HPS6: variants seen among roughly 807,000 people sequenced by gnomAD.
The protein encoded by HPS6 is HPS6 biogenesis of lysosomal organelles complex 2 subunit 3.
In HPS6, 46 loss-of-function variants were observed where a neutral mutation model predicts 53.6. That is an observed-to-expected ratio of 0.86 (90% CI 0.68 to 1.10). The LOEUF is 1.10. Ranked by LOEUF, HPS6 falls within the 50% of genes least tolerant of loss-of-function variation. The probability of loss-of-function intolerance (pLI) is 0.00; values close to 1 mark genes in which losing one functional copy is unlikely to be tolerated. For missense variants in HPS6, 1,034 were observed against 991.3 expected (o/e 1.04, Z -0.58); for synonymous variants, 535 against 470.8 (o/e 1.14, Z -1.77).
Position 102,065,810 on chromosome 10 carries a change from G to C in HPS6, c.336G>C (p.Trp112Cys), listed in dbSNP as rs1399659500. Residue 112 changes from tryptophan (W) to cysteine (C), a missense_variant, in exon 1 of 1, where the codon TGG becomes TGC. Transcript: ENST00000299238. ...GGGGCGCGGGCGTGGGGCCTGGCTGGCGGCCGCTGCAGAGCACCGAGCTGT... is the reference window on the plus strand; with the variant it reads ...GGGGCGCGGGCGTGGGGCCTGGCTGCCGGCCGCTGCAGAGCACCGAGCTGT... ...EVWGAGVGPGWRPLQSTELCP... is the reference protein window; with the variant it reads ...EVWGAGVGPGCRPLQSTELCP... 1 of 1,485,076 alleles carries C rather than the reference G, an allele frequency of 6.7e-7. No individual in the cohort carries two copies. The highest frequency in any genetic ancestry group is 2.4e-5 in the Admixed American group (1 of 42,256). The allele number at this position is 1,485,076 out of a possible 1,614,324, so 92.0% of individuals were successfully genotyped here.
In HPS6 at chr10:102,065,573, A is replaced by G. The variant is rs139591041; in HGVS notation, c.99A>G (p.Arg33=). 2.7e-3 allele frequency: 4,160 copies of G among 1,543,738 alleles called. 57 individuals are homozygous for G. The African/African-American group carries it at 0.033, about 12-fold the overall frequency. The change falls in exon 1 of 1, where the codon CGA becomes CGG. Residue 33 remains arginine (R), a synonymous_variant. Coordinates refer to ENST00000299238, the MANE Select transcript of HPS6 (RefSeq NM_024747.6). ...RELVAGDSAV[R]VRGSPDGRHL... is the part of the protein sequence containing the mutation. ...TGGTGGCCGGGGACTCAGCGGTCCG[A>G]GTCCGTGGCAGTCCGGACGGCCGCC...
Position 102,065,634 on chromosome 10 carries a change from C to T in HPS6, c.160C>T (p.Pro54Ser). The change falls in exon 1 of 1, where the codon CCA (proline) becomes TCA (serine). Residue 54 changes from proline to serine, a missense_variant. Pro to Ser is a moderately conservative substitution (Grantham distance 74). Transcript: ENST00000299238. ...CCTGCGACCCCCTGGGGCGGTAGCC[C>T]CACAGCTGCTAGTCGCGTCGCGAGG... ...LLLRPPGAVA[P>S]QLLVASRGPG... 3.2e-6 allele frequency: 5 copies of T among 1,550,662 alleles called. No homozygotes were observed. The highest frequency in any genetic ancestry group is 4.3e-6 in the Non-Finnish European group (5 of 1,160,018).
rs371739854 is a variant in HPS6 at position 102,067,712 on chromosome 10, A to G, written c.2238A>G (p.Gln746=). Residue 746 remains glutamine, a synonymous_variant, in exon 1 of 1, where the codon CAA becomes CAG. Coordinates refer to ENST00000299238, the MANE Select transcript of HPS6 (RefSeq NM_024747.6). ...LKALLEQTGA[Q]GWLSGPVLSP... is the part of the protein sequence containing the mutation. ...CCCTGCTGGAGCAGACTGGGGCTCAAGGATGGCTGTCGGGCCCAGTTCTAA... is the reference window on the plus strand; with the variant it reads ...CCCTGCTGGAGCAGACTGGGGCTCAGGGATGGCTGTCGGGCCCAGTTCTAA... The G allele has an allele frequency of 3.7e-5, 60 of 1,613,620 alleles. No homozygotes were observed. In the African/African-American group the frequency reaches 6.0e-4, roughly 16 times the overall value.
Position 102,066,028 on chromosome 10 carries a change from T to TGCACCACTGCCCTGCC in HPS6, c.555_570dup (p.Phe191AlafsTer54). On this transcript the variant is annotated frameshift_variant, in exon 1 of 1. Coordinates refer to ENST00000299238, the MANE Select transcript of HPS6 (RefSeq NM_024747.6). LOFTEE classifies it high-confidence loss of function. ...AGCCTGGGCCGCACACACGTCCTGCTGCACCACTGCCCTGCCTTCGGGCTG... is the reference window on the plus strand; with the variant it reads ...AGCCTGGGCCGCACACACGTCCTGCTGCACCACTGCCCTGCCGCACCACTGCCCTGCCTTCGGGCTG... 6.2e-7 allele frequency: 1 copy of TGCACCACTGCCCTGCC among 1,607,150 alleles called. No individual in the cohort carries two copies. Among genetic ancestry groups the TGCACCACTGCCCTGCC allele is most frequent in the Non-Finnish European group, 8.5e-7 (1 of 1,179,986 alleles).
chr10:102,065,957 C>G lies in HPS6; in HGVS notation c.483C>G (p.His161Gln). ...GGTCGCCAGCAGCCGCTTTCAGCCA[C>G]TGTGTGTGCGTCCGGACTCTGGAGC... ...PSGSPAAAFS[H>Q]CVCVRTLEPS... The change falls in exon 1 of 1, where the codon CAC becomes CAG. Residue 161 changes from histidine to glutamine, a missense_variant. Physicochemically the swap from His to Gln is conservative, Grantham distance 24. Transcript: ENST00000299238. The G allele has an allele frequency of 6.3e-7, 1 of 1,594,020 alleles. No homozygotes were observed. The highest frequency in any genetic ancestry group is 8.5e-7 in the Non-Finnish European group (1 of 1,178,032).
Position 102,067,740 on chromosome 10 carries a change from C to G in HPS6, c.2266C>G (p.Pro756Ala). ...ATGGCTGTCGGGCCCAGTTCTAAGC[C>G]CATATGAGGACATCCTATGGGACCC... ...QGWLSGPVLS[P>A]YEDILWDPST... The change falls in exon 1 of 1, where the codon CCA becomes GCA. Residue 756 changes from proline (P) to alanine (A), a missense_variant. Physicochemically the swap from Pro to Ala is conservative, Grantham distance 27 (BLOSUM62 -1). Transcript: ENST00000299238. The G allele has an allele frequency of 6.2e-7, 1 of 1,613,238 alleles. No homozygotes were observed. The highest frequency in any genetic ancestry group is 8.5e-7 in the Non-Finnish European group (1 of 1,180,008).
At position 102,066,004 on chromosome 10, in the gene HPS6, G is replaced by A. The variant is rs373522289; in HGVS notation, c.530G>A (p.Ser177Asn). The part of the protein sequence containing the change: ...TLEPSGEAST[S>N]LGRTHVLLHH... The stretch of plus-strand genomic sequence containing the variant: ...GAGCCCAGCGGGGAAGCTAGCACCA[G>A]CCTGGGCCGCACACACGTCCTGCTG... Residue 177 changes from serine to asparagine, a missense_variant, in exon 1 of 1, where the codon AGC becomes AAC. Physicochemically the swap from Ser to Asn is conservative, Grantham distance 46. Coordinates refer to ENST00000299238, the MANE Select transcript of HPS6 (RefSeq NM_024747.6). 15 of 1,603,100 alleles carry A rather than the reference G, an allele frequency of 9.4e-6. No homozygotes were observed. In the African/African-American group the frequency reaches 1.6e-4, roughly 17 times the overall value.
chr10:102,066,593 G>C lies in HPS6; in HGVS notation c.1119G>C (p.Gly373=), dbSNP rs775539922. The C allele has an allele frequency of 4.3e-6, 7 of 1,614,108 alleles. No individual in the cohort carries two copies. Among genetic ancestry groups the C allele is most frequent in the Non-Finnish European group, 5.9e-6 (7 of 1,180,050 alleles). The part of the protein sequence containing the change: ...MEDEEELETR[G]NLRLLSALGL... ...ATGAGGAAGAGCTGGAGACCCGAGGGAATCTTCGTCTGCTTTCAGCCTTGG... is the reference window on the plus strand; with the variant it reads ...ATGAGGAAGAGCTGGAGACCCGAGGCAATCTTCGTCTGCTTTCAGCCTTGG... Residue 373 remains glycine (G), a synonymous_variant, in exon 1 of 1, where the codon GGG becomes GGC. Transcript: ENST00000299238.
At position 102,065,772 on chromosome 10, in the gene HPS6, C is replaced by G; in HGVS notation, c.298C>G (p.Leu100Val). 6.7e-7 allele frequency: 1 copy of G among 1,499,064 alleles called. No homozygotes were observed. The highest frequency in any genetic ancestry group is 1.2e-5 in the South Asian group (1 of 80,322). The allele number at this position is 1,499,064 out of a possible 1,614,324, so 92.9% of individuals were successfully genotyped here. A position where few individuals can be genotyped will look rare whatever the true frequency, so the allele number is the denominator to read the frequency against. ...GCTGGTGCTGGTGTGGGAGAGTGGC[C>G]TGGCCGAGGTGTGGGGCGCGGGCGT... ...PALVLVWESG[L>V]AEVWGAGVGP... is the part of the protein sequence containing the mutation. Residue 100 changes from leucine to valine, a missense_variant, in exon 1 of 1, where the codon CTG (leucine) becomes GTG (valine). Leu to Val is a conservative substitution (Grantham distance 32). Coordinates refer to ENST00000299238, the MANE Select transcript of HPS6 (RefSeq NM_024747.6).
In HPS6 at chr10:102,066,486, G is replaced by A. The variant is rs1392839792; in HGVS notation, c.1012G>A (p.Gly338Ser). ...LGSTLELLDM[G>S]SGQLLERKVL... Reference sequence around the variant, plus strand: ...CTCCACATTGGAACTGCTGGACATGGGCAGTGGGCAGCTGCTGGAGAGGAA... The same window carrying A: ...CTCCACATTGGAACTGCTGGACATGAGCAGTGGGCAGCTGCTGGAGAGGAA... The change falls in exon 1 of 1, where the codon GGC becomes AGC. Residue 338 changes from glycine to serine, a missense_variant. Coordinates refer to ENST00000299238, the MANE Select transcript of HPS6 (RefSeq NM_024747.6). 3.7e-6 allele frequency: 6 copies of A among 1,614,096 alleles called. No individual in the cohort carries two copies. The highest frequency in any genetic ancestry group is 5.1e-6 in the Non-Finnish European group (6 of 1,180,040).
Position 102,066,469 on chromosome 10 carries a change from T to G in HPS6, c.995T>G (p.Leu332Trp), listed in dbSNP as rs1242577250. ...GTLACVLGST[L>W]ELLDMGSGQL... ...CTGGCCTGTGTGCTGGGCTCCACAT[T>G]GGAACTGCTGGACATGGGCAGTGGG... The change falls in exon 1 of 1, where the codon TTG (leucine) becomes TGG (tryptophan). Residue 332 changes from leucine to tryptophan, a missense_variant. Physicochemically the swap from Leu to Trp is moderately conservative, Grantham distance 61. Transcript: ENST00000299238. 1.9e-6 allele frequency: 3 copies of G among 1,614,132 alleles called. No individual in the cohort carries two copies. Among genetic ancestry groups the G allele is most frequent in the Non-Finnish European group, 2.5e-6 (3 of 1,180,000 alleles).
chr10:102,067,218 C>T lies in HPS6; in HGVS notation c.1744C>T (p.Pro582Ser). Residue 582 changes from proline (P) to serine (S), a missense_variant, in exon 1 of 1, where the codon CCC (proline) becomes TCC (serine). Transcript: ENST00000299238. ...CCAGCTGGAGCCTCGATGGCTGCCA[C>T]CCTTTGTGGAGCTGGCACAGCAGCA... The part of the protein sequence containing the change: ...LCQLEPRWLP[P>S]FVELAQQQGG... 1 of 1,613,244 alleles carries T rather than the reference C, an allele frequency of 6.2e-7. No individual in the cohort carries two copies. The highest frequency in any genetic ancestry group is 8.5e-7 in the Non-Finnish European group (1 of 1,180,016).
At position 102,066,484 on chromosome 10, in the gene HPS6, T is replaced by C; in HGVS notation, c.1010T>C (p.Met337Thr). Reference sequence around the variant, plus strand: ...GGCTCCACATTGGAACTGCTGGACATGGGCAGTGGGCAGCTGCTGGAGAGG... The same window carrying C: ...GGCTCCACATTGGAACTGCTGGACACGGGCAGTGGGCAGCTGCTGGAGAGG... The part of the protein sequence containing the change: ...VLGSTLELLD[M>T]GSGQLLERKV... The change falls in exon 1 of 1, where the codon ATG (methionine) becomes ACG (threonine). Residue 337 changes from methionine (M) to threonine (T), a missense_variant. Met to Thr is a moderately conservative substitution (Grantham distance 81, BLOSUM62 -1). Transcript: ENST00000299238. The C allele has an allele frequency of 6.2e-6, 10 of 1,614,138 alleles. No individual in the cohort carries two copies. The highest frequency in any genetic ancestry group is 7.6e-6 in the Non-Finnish European group (9 of 1,180,012).
chr10:102,065,803 C>G lies in HPS6; in HGVS notation c.329C>G (p.Pro110Arg). The stretch of plus-strand genomic sequence containing the variant: ...GAGGTGTGGGGCGCGGGCGTGGGGC[C>G]TGGCTGGCGGCCGCTGCAGAGCACC... ...LAEVWGAGVG[P>R]GWRPLQSTEL... The change falls in exon 1 of 1, where the codon CCT (proline) becomes CGT (arginine). Residue 110 changes from proline (P) to arginine (R), a missense_variant. Physicochemically the swap from Pro to Arg is moderately radical, Grantham distance 103. Coordinates refer to ENST00000299238, the MANE Select transcript of HPS6 (RefSeq NM_024747.6). The G allele has an allele frequency of 6.7e-7, 1 of 1,487,654 alleles. No homozygotes were observed. The highest frequency in any genetic ancestry group is 8.9e-7 in the Non-Finnish European group (1 of 1,129,300). The allele number at this position is 1,487,654 out of a possible 1,614,324, so 92.2% of individuals were successfully genotyped here.
chr10:102,065,957 C>T lies in HPS6; in HGVS notation c.483C>T (p.His161=). The part of the protein sequence containing the change: ...PSGSPAAAFS[H]CVCVRTLEPS... ...GGTCGCCAGCAGCCGCTTTCAGCCA[C>T]TGTGTGTGCGTCCGGACTCTGGAGC... is the stretch of plus-strand genomic sequence containing the variant. The change falls in exon 1 of 1, where the codon CAC becomes CAT. Residue 161 remains histidine, a synonymous_variant. Transcript: ENST00000299238. 1.3e-6 allele frequency: 2 copies of T among 1,594,020 alleles called. No homozygotes were observed. The highest frequency in any genetic ancestry group is 8.5e-7 in the Non-Finnish European group (1 of 1,178,032).
Position 102,067,803 on chromosome 10 carries a change from C to CT in HPS6, c.*2dup. Reference sequence around the variant, plus strand: ...CCCGACTCCACCTCGGGACCTATGACTACCCTTCAGGCATCAGAACACTCA... The same window carrying CT: ...CCCGACTCCACCTCGGGACCTATGACTTACCCTTCAGGCATCAGAACACTCA... On this transcript the variant is annotated 3_prime_UTR_variant, in exon 1 of 1. Transcript: ENST00000299238. 6.2e-7 allele frequency: 1 copy of CT among 1,613,090 alleles called. No individual in the cohort carries two copies. The highest frequency in any genetic ancestry group is 8.5e-7 in the Non-Finnish European group (1 of 1,180,020).
rs373272174 is a variant in HPS6 at position 102,067,473 on chromosome 10, C to G, written c.1999C>G (p.Arg667Gly). ...LALGPSSPLL[R>G]SEIFKLLLAE... ...CCTCGGCCCCTCCAGTCCCCTGCTT[C>G]GAAGTGAAATCTTCAAACTGCTGCT... is the stretch of plus-strand genomic sequence containing the variant. The change falls in exon 1 of 1, where the codon CGA becomes GGA. Residue 667 changes from arginine to glycine, a missense_variant. By Grantham distance (125) the Arg-to-Gly change is moderately radical. Coordinates refer to ENST00000299238, the MANE Select transcript of HPS6 (RefSeq NM_024747.6). The G allele has an allele frequency of 3.1e-6, 5 of 1,613,720 alleles. No individual in the cohort carries two copies. The highest frequency in any genetic ancestry group is 2.2e-5 in the South Asian group (2 of 91,086).
Position 102,067,454 on chromosome 10 carries a change from C to T in HPS6, c.1980C>T (p.Gly660=), listed in dbSNP as rs772119426. The T allele has an allele frequency of 2.5e-6, 4 of 1,613,342 alleles. No individual in the cohort carries two copies. The African/African-American group carries it at 5.3e-5, about 22-fold the overall frequency. The change falls in exon 1 of 1, where the codon GGC becomes GGT. Residue 660 remains glycine, a synonymous_variant. Coordinates refer to ENST00000299238, the MANE Select transcript of HPS6 (RefSeq NM_024747.6). The part of the protein sequence containing the change: ...DRALDAGLAL[G]PSSPLLRSEI... ...CTCTGGATGCTGGCCTGGCCCTCGGCCCCTCCAGTCCCCTGCTTCGAAGTG... is the reference window on the plus strand; with the variant it reads ...CTCTGGATGCTGGCCTGGCCCTCGGTCCCTCCAGTCCCCTGCTTCGAAGTG...
At position 102,066,916 on chromosome 10, in the gene HPS6, G is replaced by T. The variant is rs748349366; in HGVS notation, c.1442G>T (p.Gly481Val). ...QLVAGDDEEA[G>V]WTELAEQEVA... ...GTGGCTGGGGATGATGAGGAGGCTGGTTGGACTGAGCTGGCGGAGCAGGAA... is the reference window on the plus strand; with the variant it reads ...GTGGCTGGGGATGATGAGGAGGCTGTTTGGACTGAGCTGGCGGAGCAGGAA... Residue 481 changes from glycine to valine, a missense_variant, in exon 1 of 1, where the codon GGT becomes GTT. Coordinates refer to ENST00000299238, the MANE Select transcript of HPS6 (RefSeq NM_024747.6). 5 of 1,614,114 alleles carry T rather than the reference G, an allele frequency of 3.1e-6. No individual in the cohort carries two copies. In the South Asian group the frequency reaches 4.4e-5, roughly 14 times the overall value.
Sources: allele counts gnomAD v4.1 joint callset, GRCh38; gene constraint gnomAD v4.1.1; transcripts MANE v1.5; gene names NCBI Gene and HGNC (gene_info 2026-07-23, HGNC 2026-07-21).